The following NID1 variants were observed in gnomAD, a reference collection of about 807,000 sequenced individuals.
The protein encoded by NID1 is nidogen-1.
In NID1, 76 loss-of-function variants were observed where a neutral mutation model predicts 130.6. The ratio of observed to expected loss-of-function variants is 0.58; its 90% CI spans 0.48 to 0.70. The LOEUF (loss-of-function observed/expected upper bound fraction) is 0.70, where lower values mean the gene tolerates loss of function less well. NID1 is among the 30% of genes least tolerant of loss of function. The probability of loss-of-function intolerance (pLI) is 0.00; values close to 1 mark genes in which losing one functional copy is unlikely to be tolerated. For synonymous variants in NID1, 665 were observed against 675.1 expected, an observed-to-expected ratio of 0.98 and a Z score of 0.23; for missense variants, 1,517 against 1,664.8, an observed-to-expected ratio of 0.91 and a Z score of 1.54.
chr1:236,057,258 CA>C (rs896302863), intron 1 of NID1, among the ~76,000 whole-genome samples: 1 of 151,772 alleles, frequency 6.6e-6, no homozygotes, highest in South Asian at 2.1e-4. Context: ...GAATCCATCT[CA>C]AAAAAGTACA....
At chr1:236,023,562 T>C (rs1658829690) in intron 9 of NID1, among the ~76,000 whole-genome samples, 1 of 152,172 alleles carries the variant, frequency 6.6e-6, no homozygotes, top group African/African-American at 2.4e-5. Flanking sequence ...AATGAATGCA[T>C]GCAATGCCAC....
In NID1 at chr1:236,029,584, C is replaced by A; in HGVS notation, c.1704G>T (p.Glu568Asp). Residue 568 changes from glutamate (E) to aspartate (D), a missense_variant, in exon 7 of 20, where the codon GAG (glutamate) becomes GAT (aspartate). Glu to Asp is a conservative substitution (Grantham distance 45). Coordinates refer to ENST00000264187, the MANE Select transcript of NID1 (RefSeq NM_002508.3). The stretch of plus-strand genomic sequence containing the variant: ...AGTAGTGGTACAGCTCCGTGTAGGG[C>A]TCAATGTGCACGGAGGAGCCGAACG... ...QIPFGSSVHI[E>D]PYTELYHYST... 1.3e-6 allele frequency: 2 copies of A among 1,579,324 alleles called. No individual in the cohort carries two copies. Among genetic ancestry groups the A allele is most frequent in the Non-Finnish European group, 1.7e-6 (2 of 1,162,600 alleles).
chr1:235,982,424 A>G (rs957747017), intron 15 of NID1, among the ~76,000 whole-genome samples: 30 of 152,208 alleles, frequency 2.0e-4, no homozygotes, highest in Non-Finnish European at 4.4e-5. Context: ...GAATGGAAAA[A>G]TAGTTCTATC....
At chr1:236,014,536 G>T (rs1658528971) in intron 10 of NID1, among the ~76,000 whole-genome samples, 1 of 152,086 alleles carries the variant, frequency 6.6e-6, no homozygotes, top group Non-Finnish European at 1.5e-5. Flanking sequence ...ACAAGATGGG[G>T]CATTATCAGC....
chr1:235,985,328 T>G, intron 15 of NID1, 51 bp downstream of exon 15: 1 of 1,610,794 alleles, frequency 6.2e-7, no homozygotes, highest in Non-Finnish European at 8.5e-7. Context: ...CATGGCCACT[T>G]TGGCTGCTAG....
chr1:235,991,115 GCA>G (rs3831991), intron 13 of NID1, 57 bp from the exon 14 acceptor site: 428 of 1,336,102 alleles, frequency 3.2e-4, no homozygotes, highest in Non-Finnish European at 3.6e-4. Context: ...ACACACAGAT[GCA>G]CACACACACA....
intron 14 of NID1, among the ~76,000 whole-genome samples, chr1:235,990,414 C>G (rs1213778142): frequency 6.6e-6 from 1 of 152,196 alleles, no homozygotes; most frequent in Non-Finnish European, 1.5e-5. Flanking sequence ...AGGACCCTCA[C>G]AGCCCCTCCC....
In NID1 at chr1:236,013,567, A is replaced by G. The variant is rs1658497785; in HGVS notation, c.2255-7T>C. ...GGGCGCTGGTCCACGACAGCTTCAG[A>G]ACAAAAGGTTGATGCACAGTCTTAG... On this transcript the variant is annotated splice_region_variant and splice_polypyrimidine_tract_variant and intron_variant, in intron 10 of 19. Coordinates refer to ENST00000264187, the MANE Select transcript of NID1 (RefSeq NM_002508.3). The G allele has an allele frequency of 5.6e-6, 9 of 1,614,124 alleles. No homozygotes were observed. The highest frequency in any genetic ancestry group is 7.6e-6 in the Non-Finnish European group (9 of 1,180,018).
intron 14 of NID1, among the ~76,000 whole-genome samples, chr1:235,987,691 A>C (rs1272789263): frequency 6.6e-6 from 1 of 152,142 alleles, no homozygotes; most frequent in Non-Finnish European, 1.5e-5. Context: ...AAACCCTGGG[A>C]GTGGGTTCTT....
At chr1:236,005,779 A>T (rs1013652541) in intron 12 of NID1, among the ~76,000 whole-genome samples, 4 of 152,300 alleles carry the variant, frequency 2.6e-5, no homozygotes, top group African/African-American at 7.2e-5. Context: ...ATAAACATCA[A>T]CTAACTTCTG....
intron 12 of NID1, among the ~76,000 whole-genome samples, chr1:236,000,453 C>G (rs1658045437): frequency 6.6e-6 from 1 of 152,128 alleles, no homozygotes; most frequent in East Asian, 1.9e-4. Context: ...TTGAATCTGC[C>G]TATGACCTGG....
chr1:236,029,617 C>T lies in NID1; in HGVS notation c.1671G>A (p.Pro557=), dbSNP rs370617487. The T allele has an allele frequency of 5.5e-4, 876 of 1,603,904 alleles. No individual in the cohort carries two copies. Among genetic ancestry groups the T allele is most frequent in the Admixed American group, 1.2e-3 (68 of 58,256 alleles). The change falls in exon 7 of 20, where the codon CCG becomes CCA. Residue 557 remains proline, a synonymous_variant. Transcript: ENST00000264187. Reference sequence around the variant, plus strand: ...GCACGGAGGAGCCGAACGGAATCTGCGGCACGCGGCCCTCCAGCTCCGTGT... The same window carrying T: ...GCACGGAGGAGCCGAACGGAATCTGTGGCACGCGGCCCTCCAGCTCCGTGT... ...TIDTELEGRV[P]QIPFGSSVHI...
At chr1:236,008,439 C>G (rs1658312923) in intron 12 of NID1, among the ~76,000 whole-genome samples, 1 of 152,096 alleles carries the variant, frequency 6.6e-6, no homozygotes, top group Non-Finnish European at 1.5e-5. Context: ...ATGATAGGCA[C>G]CAGGAGACCA....
chr1:235,994,777 A>G lies in NID1; in HGVS notation c.2528-905T>C, dbSNP rs140902200. ...AGTGGCATGATCTCGACTCACTGCA[A>G]TCTATGCCTCCCAGGTTCAAGCGAT... On this transcript the variant is annotated intron_variant, in intron 12 of 19. Coordinates refer to ENST00000264187, the MANE Select transcript of NID1 (RefSeq NM_002508.3). 5.6e-3 allele frequency among the ~76,000 whole-genome samples: 847 copies of G among 151,794 alleles called. 6 individuals carry two copies. The highest frequency in any genetic ancestry group is 0.019 in the African/African-American group (802 of 41,372).
At chr1:236,035,138 C>A (rs1434647201) in intron 5 of NID1, among the ~76,000 whole-genome samples, 1 of 103,294 alleles carries the variant, frequency 9.7e-6, no homozygotes, top group Admixed American at 1.1e-4. Flanking sequence ...TGCTATCCCT[C>A]CCCCCTCCCC....
intron 12 of NID1, among the ~76,000 whole-genome samples, chr1:235,999,695 A>C (rs1169189285): frequency 6.6e-6 from 1 of 152,162 alleles, no homozygotes; most frequent in Non-Finnish European, 1.5e-5. Context: ...GAGTGGCAGG[A>C]AGTCTGGGGT....
Position 236,024,099 on chromosome 1 carries a change from C to T in NID1, c.2099G>A (p.Gly700Asp). The change falls in exon 9 of 20, where the codon GGC (glycine) becomes GAC (aspartate). Residue 700 changes from glycine to aspartate, a missense_variant. Gly to Asp is a moderately conservative substitution (Grantham distance 94). This residue lies in a region of NID1 where 1,329 missense variants were observed against 1,429.2 expected (regional missense o/e 0.93). Transcript: ENST00000264187. ...GCAGGTTCGCCCGTCTCCTCGGAAG[C>T]CGATGGAGCACTCGCAGGTGAACTG... Reference protein sequence around the residue: ...RTQFTCECSIGFRGDGRTCYD... With the variant: ...RTQFTCECSIDFRGDGRTCYD... The T allele has an allele frequency of 6.2e-7, 1 of 1,614,228 alleles. No individual in the cohort carries two copies. The highest frequency in any genetic ancestry group is 1.7e-5 in the Admixed American group (1 of 60,034).
Position 236,026,047 on chromosome 1 carries a change from C to A in NID1, c.1833G>T (p.Gln611His), listed in dbSNP as rs371257403. The change falls in exon 8 of 20, where the codon CAG (glutamine) becomes CAT (histidine). Residue 611 changes from glutamine to histidine, a missense_variant. Physicochemically the swap from Gln to His is conservative, Grantham distance 24. This residue lies in a region of NID1 where 1,329 missense variants were observed against 1,429.2 expected (regional missense o/e 0.93). Coordinates refer to ENST00000264187, the MANE Select transcript of NID1 (RefSeq NM_002508.3). ...GGACGCATTCCTGGAAGGTGATGGT[C>A]TGGCGCCACTGGTAAGTGTAGATGC... is the stretch of plus-strand genomic sequence containing the variant. Reference protein sequence around the residue: ...PSRIYTYQWRQTITFQECVHD... With the variant: ...PSRIYTYQWRHTITFQECVHD... 6.8e-6 allele frequency: 11 copies of A among 1,613,534 alleles called. No homozygotes were observed. In the South Asian group the frequency reaches 7.7e-5, roughly 11 times the overall value.
intron 12 of NID1, among the ~76,000 whole-genome samples, chr1:236,004,880 C>T (rs1324597465): frequency 6.6e-6 from 1 of 150,710 alleles, no homozygotes; most frequent in Non-Finnish European, 1.5e-5. Context: ...TGGGATCAAA[C>T]TTAAGCAGGA....
Sources: allele counts gnomAD v4.1 joint callset (sites outside exome capture counted in the v4.1 genomes callset), GRCh38; gene constraint gnomAD v4.1.1; regional missense constraint gnomAD v4.1.1; transcripts MANE v1.5; gene names NCBI Gene and HGNC (gene_info 2026-07-23, HGNC 2026-07-21).